GNG2: variants seen among roughly 807,000 people sequenced by gnomAD.
GNG2 encodes the protein guanine nucleotide-binding protein G(I)/G(S)/G(O) subunit gamma-2.
Under a neutral mutation model 5.5 loss-of-function variants are expected in GNG2, and 5 were observed. The ratio of observed to expected loss-of-function variants is 0.91; its 90% confidence interval spans 0.48 to 1.92. GNG2 has a LOEUF of 1.92. GNG2 is among the 30% of genes most tolerant of loss of function. The pLI is 0.01. For synonymous variants in GNG2, 28 were observed against 32.0 expected, an observed-to-expected ratio of 0.88 and a Z score of 0.42; for missense variants, 55 against 88.4, an observed-to-expected ratio of 0.62 and a Z score of 1.52.
chr14:51,923,432 T>G (rs1887131750), intron 2 of GNG2, among the ~76,000 whole-genome samples: 1 of 152,090 alleles, frequency 6.6e-6, no homozygotes, highest in Admixed American at 6.5e-5. Context: ...CTTTTCCCCA[T>G]ACATACACAA....
At chr14:51,864,154 A>G (rs1882712319) in intron 1 of GNG2, among the ~76,000 whole-genome samples, 1 of 152,198 alleles carries the variant, frequency 6.6e-6, no homozygotes, top group Non-Finnish European at 1.5e-5. Context: ...ACTTCTCCAC[A>G]TTCTCATCAA....
At chr14:51,953,115 C>CA (rs1889083028) in intron 3 of GNG2, among the ~76,000 whole-genome samples, 1 of 152,212 alleles carries the variant, frequency 6.6e-6, no homozygotes, top group Non-Finnish European at 1.5e-5. Flanking sequence ...CTTTACTTAA[C>CA]ACTTGACTGC....
At chr14:51,879,193 A>G (rs761026802) in intron 2 of GNG2, among the ~76,000 whole-genome samples, 7 of 152,250 alleles carry the variant, frequency 4.6e-5, no homozygotes, top group Non-Finnish European at 8.8e-5. Flanking sequence ...CAGTGGTTTC[A>G]GTTATGCTCA....
At chr14:51,887,697 T>A (rs1044914158) in intron 2 of GNG2, among the ~76,000 whole-genome samples, 17 of 152,122 alleles carry the variant, frequency 1.1e-4, no homozygotes, top group African/African-American at 4.1e-4. Context: ...TGAACTGAAG[T>A]TAGCGTAATA....
chr14:51,849,519 G>T (rs746824202), intron 2 of GNG2, among the ~76,000 whole-genome samples: 28 of 152,190 alleles, frequency 1.8e-4, no homozygotes, highest in Non-Finnish European at 3.4e-4. Flanking sequence ...GGAGGAGATG[G>T]CGATCAGAGA....
chr14:51,827,686 AG>A, exon 2 of GNG2: 1 of 702,128 alleles, frequency 1.4e-6, no homozygotes, highest in South Asian at 1.5e-5. Context: ...GCAGTGGAAA[AG>A]CAGCACCGTG....
At chr14:51,883,101 AT>A (rs1884212063) in intron 2 of GNG2, among the ~76,000 whole-genome samples, 1 of 152,178 alleles carries the variant, frequency 6.6e-6, no homozygotes, top group South Asian at 2.1e-4. Context: ...AATTTCATAT[AT>A]ATAAATACTT....
chr14:51,937,107 A>G (rs1594937755), intron 2 of GNG2, among the ~76,000 whole-genome samples: 1 of 152,174 alleles, frequency 6.6e-6, no homozygotes, highest in Admixed American at 6.5e-5. Context: ...TTAATGTCTT[A>G]CATTTTCCCT....
intron 2 of GNG2, among the ~76,000 whole-genome samples, chr14:51,893,704 C>G (rs1885005453): frequency 6.6e-6 from 1 of 151,852 alleles, no homozygotes; most frequent in African/African-American, 2.4e-5. Context: ...CCTCCTTATT[C>G]TTCTTCTAAT....
At chr14:51,884,776 G>T (rs1011311835) in intron 2 of GNG2, among the ~76,000 whole-genome samples, 5 of 152,184 alleles carry the variant, frequency 3.3e-5, no homozygotes, top group African/African-American at 1.2e-4. Flanking sequence ...TTCTTAGGTT[G>T]TTTAGGTAAT....
chr14:51,835,762 T>C (rs1252735956), intron 2 of GNG2, among the ~76,000 whole-genome samples: 7 of 152,210 alleles, frequency 4.6e-5, no homozygotes, highest in African/African-American at 1.7e-4. Context: ...TGTAAACATT[T>C]AACAAAGTAG....
chr14:51,908,765 A>C (rs1886115412), intron 2 of GNG2, among the ~76,000 whole-genome samples: 1 of 39,668 alleles, frequency 2.5e-5, no homozygotes, highest in African/African-American at 7.8e-5. Context: ...TTTTTAGTAG[A>C]GATGGGGTTT....
chr14:51,857,263 A>T (rs1448836437), upstream of GNG2, among the ~76,000 whole-genome samples: 2 of 152,218 alleles, frequency 1.3e-5, no homozygotes, highest in African/African-American at 4.8e-5. Flanking sequence ...GTAGGGGTTT[A>T]CTAGCAGGCA....
At chr14:51,923,442 A>AATATATATATATATAT (rs779802129) in intron 2 of GNG2, among the ~76,000 whole-genome samples, 1 of 150,030 alleles carries the variant, frequency 6.7e-6, no homozygotes, top group Admixed American at 6.7e-5. Context: ...TACATACACA[A>AATATATATATATATAT]ATATATATAT....
intron 2 of GNG2, among the ~76,000 whole-genome samples, chr14:51,919,896 AATAG>A (rs1421953921): frequency 2.0e-5 from 3 of 152,228 alleles, no homozygotes; most frequent in African/African-American, 7.2e-5. Context: ...GGCAAATAAA[AATAG>A]ATATGGCCCC....
exon 2 of GNG2, chr14:51,827,711 C>A (rs774713994): frequency 1.7e-5 from 12 of 702,248 alleles, no homozygotes; most frequent in South Asian, 1.6e-4. Context: ...CTGGGTGATT[C>A]CTGAGCCCAA....
intron 2 of GNG2, among the ~76,000 whole-genome samples, chr14:51,835,808 C>T (rs1323466039): frequency 6.6e-6 from 1 of 152,102 alleles, no homozygotes; most frequent in Non-Finnish European, 1.5e-5. Flanking sequence ...TCTTTTTCTC[C>T]TCCATTGTAA....
intron 2 of GNG2, among the ~76,000 whole-genome samples, chr14:51,933,705 A>G (rs1346197852): frequency 6.6e-6 from 1 of 152,194 alleles, no homozygotes; most frequent in Non-Finnish European, 1.5e-5. Context: ...AGGAGTGTTC[A>G]TTTACCACAA....
Position 51,966,557 on chromosome 14 carries a change from A to G in GNG2, c.88-2A>G. The G allele has an allele frequency of 1.2e-6, 2 of 1,613,474 alleles. No individual in the cohort carries two copies. The highest frequency in any genetic ancestry group is 1.7e-5 in the Admixed American group (1 of 60,010). ...GTTGGTTGTTTTTGTCTCCCTTTCC[A>G]GGTGTCCAAGGCAGCTGCAGATTTG... On this transcript the variant is annotated splice_acceptor_variant, in intron 3 of 3. Transcript: ENST00000556766. LOFTEE classifies it high-confidence loss of function.
Sources: gnomAD v4.1 joint callset for allele counts (sites outside exome capture counted in the v4.1 genomes callset) on GRCh38, gnomAD v4.1.1 for gene constraint, MANE v1.5 for transcripts, NCBI Gene and HGNC (gene_info 2026-07-23, HGNC 2026-07-21) for gene names.